Variants in STAU2 observed in about 807,000 individuals in gnomAD.
The protein encoded by STAU2 is double-stranded RNA-binding protein Staufen homolog 2.
A neutral mutation model predicts 65.9 loss-of-function variants in STAU2; 20 were observed. That is an observed-to-expected ratio of 0.30 (90% CI 0.21 to 0.44). STAU2 has a LOEUF of 0.44. Among genes scored for constraint, STAU2 ranks in the 20% least tolerant of loss-of-function variants. The pLI, the probability that STAU2 is intolerant of heterozygous loss-of-function variation, is 1.00. For synonymous variants in STAU2, 232 were observed against 233.9 expected, an observed-to-expected ratio of 0.99 and a Z score of 0.07; for missense variants, 558 against 683.9, an observed-to-expected ratio of 0.82 and a Z score of 2.05.
intron 3 of STAU2, among the ~76,000 whole-genome samples, chr8:73,732,419 C>G (rs1323351428): frequency 6.6e-6 from 1 of 152,220 alleles, no homozygotes; most frequent in African/African-American, 2.4e-5. Context: ...GGGGATTACA[C>G]CATGGTGTAA....
intron 13 of STAU2, among the ~76,000 whole-genome samples, chr8:73,479,498 A>ACACACACACACT (rs1469482445): frequency 3.3e-5 from 5 of 149,720 alleles, no homozygotes; most frequent in African/African-American, 7.4e-5. Context: ...ACACACACAC[A>ACACACACACACT]CTCTCATACA....
intron 12 of STAU2, among the ~76,000 whole-genome samples, chr8:73,562,860 C>T (rs758315694): frequency 1.3e-5 from 2 of 152,042 alleles, no homozygotes; most frequent in African/African-American, 2.4e-5. Flanking sequence ...CACCTATAAT[C>T]AGCACTTTGG....
At chr8:73,659,847 C>T (rs570190444) in intron 6 of STAU2, among the ~76,000 whole-genome samples, 13 of 152,186 alleles carry the variant, frequency 8.5e-5, no homozygotes, top group South Asian at 4.1e-4. Context: ...AAAAACATTA[C>T]GAATTCAGTA....
At chr8:73,598,953 CAA>C (rs199966970) in intron 10 of STAU2, among the ~76,000 whole-genome samples, 2,010 of 152,136 alleles carry the variant, frequency 0.013, 37 homozygotes, top group African/African-American at 0.044. Flanking sequence ...ACATAGAAAA[CAA>C]AGTCTTATTG....
intron 12 of STAU2, among the ~76,000 whole-genome samples, chr8:73,578,203 TTTAAATTCA>T (rs1285231921): frequency 1.3e-5 from 2 of 152,328 alleles, no homozygotes; most frequent in Admixed American, 1.3e-4. Context: ...AAAATCACAA[TTTAAATTCA>T]TTAAATCTTT....
rs1369315605 is a variant in STAU2, at chr8:73,424,141, AT to A, written c.1531-1440del. Among the ~76,000 whole-genome samples, 25 of 145,014 alleles carry A rather than the reference AT, an allele frequency of 1.7e-4. 1 individual carries two copies. The South Asian group carries it at 5.4e-3, about 32-fold the overall frequency. ...CATATAGCAGTTGGGATCATACAAT[AT>A]GTCACCTTTTCAGATTGGCTTTTTC... On this transcript the variant is annotated intron_variant, in intron 13 of 14. Coordinates refer to ENST00000524300, the MANE Select transcript of STAU2 (RefSeq NM_001164380.2).
At chr8:73,617,210 AT>A (rs1158218298) in intron 7 of STAU2, 81 bp downstream of exon 7, 1 of 1,510,314 alleles carries the variant, frequency 6.6e-7, no homozygotes, top group East Asian at 2.3e-5. Context: ...AGAACAGATT[AT>A]TTATTTTAAT....
chr8:73,599,951 G>T (rs1379799010), intron 10 of STAU2, among the ~76,000 whole-genome samples: 1 of 152,004 alleles, frequency 6.6e-6, no homozygotes, highest in Admixed American at 6.6e-5. Flanking sequence ...TGTATTTTTA[G>T]TAGAGACGGG....
chr8:73,438,504 C>T (rs576602440), intron 13 of STAU2, among the ~76,000 whole-genome samples: 5 of 152,160 alleles, frequency 3.3e-5, no homozygotes, highest in African/African-American at 4.8e-5. Context: ...GCCACCAGGG[C>T]GAGTGGGAAT....
chr8:73,429,485 T>A (rs1372219763), intron 13 of STAU2, among the ~76,000 whole-genome samples: 5 of 133,532 alleles, frequency 3.7e-5, no homozygotes, highest in African/African-American at 1.4e-4. Context: ...CACGCTGGAG[T>A]GCAGTGGTGT....
rs533211892 is a variant in STAU2 at position 73,445,423 on chromosome 8, C to CA, written c.1531-22722dup. Among the ~76,000 whole-genome samples, 33 of 152,012 alleles carry CA rather than the reference C, an allele frequency of 2.2e-4. 1 individual carries two copies. In the South Asian group the frequency reaches 6.9e-3, roughly 32 times the overall value. On this transcript the variant is annotated intron_variant, in intron 13 of 14. Coordinates refer to ENST00000524300, the MANE Select transcript of STAU2 (RefSeq NM_001164380.2). ...AAGCCCCCAAAACAAAATTACAAAA[C>CA]AAAAAAAGTGCAAAATTACAAAACA...
intron 6 of STAU2, among the ~76,000 whole-genome samples, chr8:73,655,601 T>G (rs1816294664): frequency 6.6e-6 from 1 of 151,612 alleles, no homozygotes; most frequent in African/African-American, 2.4e-5. Flanking sequence ...TTGAAATTAT[T>G]AGCAGATAAT....
At chr8:73,650,326 A>G (rs1379678565) in intron 6 of STAU2, among the ~76,000 whole-genome samples, 1 of 152,052 alleles carries the variant, frequency 6.6e-6, no homozygotes, top group Non-Finnish European at 1.5e-5. Context: ...ATAAACCACA[A>G]CTATAATTTT....
At chr8:73,735,605 C>T (rs760874932) in intron 3 of STAU2, among the ~76,000 whole-genome samples, 2 of 152,094 alleles carry the variant, frequency 1.3e-5, no homozygotes, top group African/African-American at 2.4e-5. Context: ...ATTCCAAAAT[C>T]TAAAAAAATC....
chr8:73,656,328 A>C (rs1212635610), intron 6 of STAU2, among the ~76,000 whole-genome samples: 1 of 152,260 alleles, frequency 6.6e-6, no homozygotes, highest in Non-Finnish European at 1.5e-5. Flanking sequence ...TTCTATGCCA[A>C]AACACACACT....
At chr8:73,423,900 T>C (rs1409392023) in intron 13 of STAU2, among the ~76,000 whole-genome samples, 1 of 152,206 alleles carries the variant, frequency 6.6e-6, no homozygotes, top group African/African-American at 2.4e-5. Flanking sequence ...TGATAGCTTA[T>C]CATTAACTGA....
At chr8:73,462,255 T>G (rs938168640) in intron 13 of STAU2, among the ~76,000 whole-genome samples, 2 of 147,968 alleles carry the variant, frequency 1.4e-5, no homozygotes, top group East Asian at 1.9e-4. Context: ...AATTTTTGTA[T>G]TTTTTTTTCT....
intron 6 of STAU2, among the ~76,000 whole-genome samples, chr8:73,658,877 T>C (rs796786684): frequency 2.7e-5 from 4 of 150,514 alleles, no homozygotes; most frequent in African/African-American, 9.8e-5. Flanking sequence ...CAAGCCACTG[T>C]ACTCCAGCCT....
intron 6 of STAU2, chr8:73,651,577 G>C: frequency 1.2e-6 from 1 of 817,898 alleles, no homozygotes; most frequent in Non-Finnish European, 2.0e-6. Context: ...GGGCACCCCT[G>C]CCTGGGCCCC....
Sources: gnomAD v4.1 joint callset for allele counts (sites outside exome capture counted in the v4.1 genomes callset) on GRCh38, gnomAD v4.1.1 for gene constraint, MANE v1.5 for transcripts, NCBI Gene and HGNC (gene_info 2026-07-23, HGNC 2026-07-21) for gene names.